DIAPH2: variants seen among roughly 807,000 people sequenced by gnomAD.
The protein encoded by DIAPH2 is diaphanous related formin 2.
In DIAPH2, 35 loss-of-function variants were observed where a neutral mutation model predicts 92.7. The ratio of observed to expected loss-of-function variants is 0.38; its 90% CI spans 0.29 to 0.50. DIAPH2 has a LOEUF of 0.50. Among genes scored for constraint, DIAPH2 ranks in the 20% least tolerant of loss-of-function variants. The pLI is 0.94. For synonymous variants in DIAPH2, 301 were observed against 280.4 expected (o/e 1.07, Z -0.73); for missense variants, 701 against 819.5 (o/e 0.86, Z 1.77).
chrX:97,465,685 TTTTG>T (rs1050520456), intron 26 of DIAPH2, among the ~76,000 whole-genome samples: 102 of 111,445 alleles, frequency 9.2e-4, no homozygotes, highest in Non-Finnish European at 9.8e-4. Flanking sequence ...CCAACCGGAA[TTTTG>T]TTTGTTTGTT....
At chrX:97,376,527 A>G (rs1235949066) in intron 24 of DIAPH2, among the ~76,000 whole-genome samples, 1 of 112,305 alleles carries the variant, frequency 8.9e-6, no homozygotes, top group Non-Finnish European at 1.9e-5. Context: ...TGGAGTACAG[A>G]CCCTGAAATG....
intron 23 of DIAPH2, among the ~76,000 whole-genome samples, chrX:97,278,197 G>T (rs962647250): frequency 2.7e-5 from 3 of 112,102 alleles, no homozygotes; most frequent in Non-Finnish European, 5.6e-5. Context: ...AATTTTTAGA[G>T]AAGTTTTACA....
intron 4 of DIAPH2, among the ~76,000 whole-genome samples, chrX:96,775,353 TTGTGTGTGTGTGTGTG>T (rs60441028): frequency 1.8e-4 from 16 of 89,362 alleles, no homozygotes; most frequent in Non-Finnish European, 2.9e-4. Context: ...CAACGTGTGC[TTGTGTGTGTGTGTGTG>T]TGTGTGTGTG....
chrX:97,288,361 A>T (rs928507985), intron 23 of DIAPH2, among the ~76,000 whole-genome samples: 1 of 111,276 alleles, frequency 9.0e-6, no homozygotes, highest in Admixed American at 9.7e-5. Flanking sequence ...AGGGCTAGTA[A>T]TTATATAATT....
intron 1 of DIAPH2, among the ~76,000 whole-genome samples, chrX:96,717,410 G>T (rs922574672): frequency 9.1e-6 from 1 of 110,277 alleles, no homozygotes; most frequent in African/African-American, 3.3e-5. Context: ...TCTCCTTGTA[G>T]TTTTCTGTTT....
Position 96,784,180 on chromosome X carries a change from G to T in DIAPH2, c.447+25922G>T, listed in dbSNP as rs140022254. The stretch of plus-strand genomic sequence containing the variant: ...TGCATGCATTTTCTTTGTAAATAAT[G>T]ACAAAGACAGATTACATAATTACAG... On this transcript the variant is annotated intron_variant, in intron 4 of 26. Transcript: ENST00000324765. Among the ~76,000 whole-genome samples the T allele has an allele frequency of 9.6e-3, 1,072 of 111,948 alleles. 5 individuals carry two copies. The highest frequency in any genetic ancestry group is 0.034 in the South Asian group (91 of 2,664).
intron 4 of DIAPH2, among the ~76,000 whole-genome samples, chrX:96,860,620 A>G (rs763138769): frequency 1.8e-5 from 2 of 111,570 alleles, no homozygotes; most frequent in Admixed American, 1.9e-4. Context: ...AATTATCCAA[A>G]AGAAGAAAAA....
chrX:96,743,681 G>T (rs1018621257), intron 3 of DIAPH2, among the ~76,000 whole-genome samples: 6 of 111,693 alleles, frequency 5.4e-5, no homozygotes, highest in African/African-American at 2.0e-4. Context: ...GTTACCAGGG[G>T]CTAGGGTAAT....
At chrX:96,895,389 G>A (rs769153148) in intron 5 of DIAPH2, among the ~76,000 whole-genome samples, 2 of 111,896 alleles carry the variant, frequency 1.8e-5, no homozygotes, top group Admixed American at 1.9e-4. Context: ...TTATCAAATA[G>A]CACTGTGGAG....
In DIAPH2 at chrX:97,159,312, C is replaced by G. The variant is rs143307858; in HGVS notation, c.2719+17518C>G. Among the ~76,000 whole-genome samples the G allele has an allele frequency of 5.7e-3, 635 of 112,128 alleles. 5 individuals are homozygous for G. The highest frequency in any genetic ancestry group is 0.02 in the African/African-American group (617 of 30,934). On this transcript the variant is annotated intron_variant, in intron 22 of 26. Coordinates refer to ENST00000324765, the MANE Select transcript of DIAPH2 (RefSeq NM_006729.5). The stretch of plus-strand genomic sequence containing the variant: ...TAAACATTTAAATTAACATATATTA[C>G]TTCTTATGTTATGAAATATTTTAAT...
intron 22 of DIAPH2, among the ~76,000 whole-genome samples, chrX:97,178,443 CTTTTTTT>C (rs766983375): frequency 1.9e-4 from 13 of 67,253 alleles, no homozygotes; most frequent in Non-Finnish European, 2.4e-4. Context: ...CTATATTTCT[CTTTTTTT>C]TTTTTTTTTT....
intron 22 of DIAPH2, among the ~76,000 whole-genome samples, chrX:97,217,304 C>T (rs1602424645): frequency 9.0e-6 from 1 of 111,586 alleles, no homozygotes; most frequent in African/African-American, 3.3e-5. Flanking sequence ...GGTAGTTTAA[C>T]TCACTGTCAT....
chrX:96,844,132 T>A (rs1179018571), intron 4 of DIAPH2, among the ~76,000 whole-genome samples: 1 of 112,395 alleles, frequency 8.9e-6, no homozygotes, highest in African/African-American at 3.2e-5. Context: ...ATGCACATAC[T>A]CTTTCAGATA....
rs574770519 is a variant in DIAPH2 at position 96,842,513 on chromosome X, G to A, written c.448-39066G>A. ...TGTTTGCATTTTTAAATATCCATTG[G>A]AATTCCTTTAGGAATCCTAACTTAG... On this transcript the variant is annotated intron_variant, in intron 4 of 26. Coordinates refer to ENST00000324765, the MANE Select transcript of DIAPH2 (RefSeq NM_006729.5). 1.2e-4 allele frequency among the ~76,000 whole-genome samples: 14 copies of A among 112,158 alleles called. 1 individual carries two copies. Among genetic ancestry groups the A allele is most frequent in the African/African-American group, 4.2e-4 (13 of 30,925 alleles).
At chrX:97,036,375 T>G (rs767919285) in intron 17 of DIAPH2, among the ~76,000 whole-genome samples, 1 of 112,320 alleles carries the variant, frequency 8.9e-6, no homozygotes, top group Admixed American at 9.5e-5. Flanking sequence ...TCTTAGAAAA[T>G]TCAGTAATTC....
intron 7 of DIAPH2, among the ~76,000 whole-genome samples, chrX:96,916,049 TA>T (rs2065501280): frequency 8.9e-6 from 1 of 111,856 alleles, no homozygotes; most frequent in Admixed American, 9.5e-5. Flanking sequence ...CATACAAACA[TA>T]TTGGACAATT....
intron 16 of DIAPH2, among the ~76,000 whole-genome samples, chrX:96,962,578 C>T (rs776943904): frequency 1.1e-5 from 1 of 93,744 alleles, no homozygotes; most frequent in Admixed American, 1.3e-4. Flanking sequence ...ATCTGATATA[C>T]GTATATTTAC....
chrX:97,352,713 CA>C lies in DIAPH2; in HGVS notation c.3009+4440del, dbSNP rs745596167. Among the ~76,000 whole-genome samples, 76 of 105,913 alleles carry C rather than the reference CA, an allele frequency of 7.2e-4. 2 individuals carry two copies. The highest frequency in any genetic ancestry group is 9.8e-4 in the Non-Finnish European group (50 of 51,038). The allele number at this position is 105,913 out of a possible 115,157, so 92.0% of individuals were successfully genotyped here. Reference sequence around the variant, plus strand: ...TGAAACCCCGTCTCTACTAAAAATACAAAAAAATTAGCCGGGCATGGTGGCA... The same window carrying C: ...TGAAACCCCGTCTCTACTAAAAATACAAAAAATTAGCCGGGCATGGTGGCA... On this transcript the variant is annotated intron_variant, in intron 24 of 26. Transcript: ENST00000324765.
intron 23 of DIAPH2, among the ~76,000 whole-genome samples, chrX:97,323,843 C>T (rs1444365690): frequency 1.0e-5 from 1 of 99,591 alleles, no homozygotes; most frequent in African/African-American, 3.8e-5. Context: ...GCAGATGTTG[C>T]AGTGAGCCGA....
Sources: gnomAD v4.1 joint callset for allele counts (sites outside exome capture counted in the v4.1 genomes callset) on GRCh38, gnomAD v4.1.1 for gene constraint, MANE v1.5 for transcripts, NCBI Gene and HGNC (gene_info 2026-07-23, HGNC 2026-07-21) for gene names.